Variants in UBE2W observed in about 807,000 individuals in gnomAD.
The protein encoded by UBE2W is ubiquitin conjugating enzyme E2 W, also known as ubiquitin-conjugating enzyme E2 W.
Under a neutral mutation model 27.2 loss-of-function variants are expected in UBE2W, and 18 were observed. That is an observed-to-expected ratio of 0.66 (90% CI 0.46 to 0.98). UBE2W has a LOEUF of 0.98. UBE2W is among the 50% of genes least tolerant of loss of function. The probability of loss-of-function intolerance (pLI) is 0.00; values close to 1 mark genes in which losing one functional copy is unlikely to be tolerated. For missense variants in UBE2W, 90 were observed against 180.2 expected, an observed-to-expected ratio of 0.50 and a Z score of 2.87; for synonymous variants, 53 against 57.2, an observed-to-expected ratio of 0.93 and a Z score of 0.33.
chr8:73,782,537 C>G (rs899010839), downstream of UBE2W, among the ~76,000 whole-genome samples: 3 of 152,060 alleles, frequency 2.0e-5, no homozygotes, highest in Admixed American at 6.6e-5. Flanking sequence ...GCTATATTCA[C>G]TCAGCATAAC....
downstream of UBE2W, chr8:73,786,207 A>C: frequency 1.0e-6 from 1 of 985,240 alleles, no homozygotes; most frequent in Non-Finnish European, 1.2e-6. Context: ...CTATAAAAAA[A>C]GCCAAAACCA....
At chr8:73,872,738 T>C (rs1244935906) in intron 1 of UBE2W, among the ~76,000 whole-genome samples, 1 of 152,222 alleles carries the variant, frequency 6.6e-6, no homozygotes, top group African/African-American at 2.4e-5. Flanking sequence ...AACTACTTTA[T>C]AGTTTTTATA....
chr8:73,864,842 TCCACCCAACTCAG>T (rs902574601), intron 1 of UBE2W, among the ~76,000 whole-genome samples: 7 of 150,798 alleles, frequency 4.6e-5, no homozygotes, highest in Non-Finnish European at 8.8e-5. Flanking sequence ...TGACAAGTGA[TCCACCCAACTCAG>T]CCTCCCAAAG....
At chr8:73,847,268 C>T (rs1810851276) in intron 1 of UBE2W, among the ~76,000 whole-genome samples, 1 of 152,130 alleles carries the variant, frequency 6.6e-6, no homozygotes, top group Non-Finnish European at 1.5e-5. Context: ...GAAACGCAAC[C>T]TCACTGGTTA....
At chr8:73,868,176 T>A (rs994616583) in intron 1 of UBE2W, among the ~76,000 whole-genome samples, 1 of 152,142 alleles carries the variant, frequency 6.6e-6, no homozygotes, top group East Asian at 1.9e-4. Flanking sequence ...GTGGAAACAT[T>A]CAGCCCCACC....
intron 1 of UBE2W, among the ~76,000 whole-genome samples, chr8:73,878,388 C>G (rs1279769915): frequency 2.6e-5 from 4 of 152,224 alleles, no homozygotes; most frequent in African/African-American, 9.6e-5. Flanking sequence ...CTCAGCCCCC[C>G]GCCGCCCCTG....
At chr8:73,831,788 C>T (rs1396125325) in intron 1 of UBE2W, 2 of 151,766 alleles carry the variant, frequency 1.3e-5, no homozygotes, top group South Asian at 4.2e-4. Flanking sequence ...AAACTCCTGG[C>T]CTCAAGTGCT....
rs534840477 is a variant in UBE2W at position 73,844,727 on chromosome 8, G to A, written c.16-14255C>T. Among the ~76,000 whole-genome samples, 29 of 148,406 alleles carry A rather than the reference G, an allele frequency of 2.0e-4. No homozygotes were observed. The South Asian group carries it at 5.4e-3, about 27-fold the overall frequency. ...GAGCGTCTCTGCCCAGCCGCCCATCGTCTGGGATGTGGGGAGCACCTCTGC... is the reference window on the plus strand; with the variant it reads ...GAGCGTCTCTGCCCAGCCGCCCATCATCTGGGATGTGGGGAGCACCTCTGC... On this transcript the variant is annotated intron_variant, in intron 1 of 5. Transcript: ENST00000602593.
chr8:73,784,446 T>C (rs1343898167), downstream of UBE2W, among the ~76,000 whole-genome samples: 1 of 152,184 alleles, frequency 6.6e-6, no homozygotes, highest in Non-Finnish European at 1.5e-5. Context: ...GCAAACCATA[T>C]CAGATCATGT....
At chr8:73,800,369 G>A (rs1372853208) in intron 5 of UBE2W, among the ~76,000 whole-genome samples, 7 of 151,992 alleles carry the variant, frequency 4.6e-5, no homozygotes, top group African/African-American at 1.7e-4. Context: ...TCAAGCAAGA[G>A]GAGAAAATAT....
chr8:73,820,094 C>T lies in UBE2W; in HGVS notation c.210+5053G>A, dbSNP rs185712572. Among the ~76,000 whole-genome samples, 157 of 152,110 alleles carry T rather than the reference C, an allele frequency of 1.0e-3. No homozygotes were observed. The Middle Eastern group carries it at 0.014, about 13-fold the overall frequency. On this transcript the variant is annotated intron_variant, in intron 3 of 5. Transcript: ENST00000602593. Reference sequence around the variant, plus strand: ...TGGATTACAGGCATGAGTACCATGCCCAGCCAGAAAGATGAAAGACTAATT... The same window carrying T: ...TGGATTACAGGCATGAGTACCATGCTCAGCCAGAAAGATGAAAGACTAATT...
intron 3 of UBE2W, among the ~76,000 whole-genome samples, chr8:73,814,011 G>A (rs905213922): frequency 6.6e-6 from 1 of 152,084 alleles, no homozygotes; most frequent in African/African-American, 2.4e-5. Context: ...GGGGTTACAG[G>A]CATGAGTCAC....
chr8:73,819,751 C>T (rs1403385546), intron 3 of UBE2W, among the ~76,000 whole-genome samples: 1 of 152,084 alleles, frequency 6.6e-6, no homozygotes, highest in African/African-American at 2.4e-5. Flanking sequence ...AGAGAGGTAA[C>T]TTTTTCATTA....
chr8:73,804,098 G>A (rs1252267590), intron 5 of UBE2W, among the ~76,000 whole-genome samples: 1 of 151,726 alleles, frequency 6.6e-6, no homozygotes, highest in Non-Finnish European at 1.5e-5. Context: ...TTAACTACTG[G>A]CATAGTTCTA....
At chr8:73,870,389 T>TAA in intron 1 of UBE2W, 1 of 1,168,988 alleles carries the variant, frequency 8.6e-7, no homozygotes, top group Non-Finnish European at 1.2e-6. Flanking sequence ...GGACTAGAAA[T>TAA]CAGAAAAAAA....
At chr8:73,875,979 G>A (rs1466899679) in intron 1 of UBE2W, among the ~76,000 whole-genome samples, 1 of 152,024 alleles carries the variant, frequency 6.6e-6, no homozygotes, top group Non-Finnish European at 1.5e-5. Context: ...TAGAACCCTG[G>A]GAGCGGAGGT....
chr8:73,840,360 C>T (rs1156879607), intron 1 of UBE2W, among the ~76,000 whole-genome samples: 5 of 152,188 alleles, frequency 3.3e-5, no homozygotes, highest in Admixed American at 2.6e-4. Context: ...CCAGCCAAAG[C>T]TCATTCATTT....
intron 3 of UBE2W, among the ~76,000 whole-genome samples, chr8:73,818,936 C>T (rs1297752789): frequency 1.3e-5 from 2 of 152,176 alleles, no homozygotes; most frequent in Non-Finnish European, 2.9e-5. Context: ...AACCTCTTTT[C>T]TTTATAAATT....
intron 5 of UBE2W, among the ~76,000 whole-genome samples, chr8:73,795,371 T>G (rs1237503736): frequency 6.6e-6 from 1 of 152,154 alleles, no homozygotes; most frequent in African/African-American, 2.4e-5. Flanking sequence ...TCCTGTCTCT[T>G]GCTCCCTTCT....
Sources: allele counts gnomAD v4.1 joint callset (sites outside exome capture counted in the v4.1 genomes callset), GRCh38; gene constraint gnomAD v4.1.1; transcripts MANE v1.5; gene names NCBI Gene and HGNC (gene_info 2026-07-23, HGNC 2026-07-21).